Variants in PDE4B observed in about 807,000 individuals in gnomAD.
PDE4B encodes the protein 3',5'-cyclic-AMP phosphodiesterase 4B.
PDE4B carries 20 observed loss-of-function variants against 82.2 expected under a neutral mutation model. The ratio of observed to expected loss-of-function variants is 0.24; its 90% confidence interval spans 0.17 to 0.35. The LOEUF is 0.35. Ranked by LOEUF, PDE4B falls within the 10% of genes least tolerant of loss-of-function variation. PDE4B has a pLI of 1.00. For synonymous variants in PDE4B, 320 were observed against 318.9 expected (o/e 1.00, Z -0.04); for missense variants, 655 against 907.2 (o/e 0.72, Z 3.57).
chr1:65,904,339 A>C (rs1466912152), intron 1 of PDE4B, among the ~76,000 whole-genome samples: 1 of 152,210 alleles, frequency 6.6e-6, no homozygotes, highest in African/African-American at 2.4e-5. Flanking sequence ...ATTTAGAAGA[A>C]AAAATACTTG....
At chr1:65,805,349 G>C (rs1431138964) in intron 1 of PDE4B, among the ~76,000 whole-genome samples, 3 of 152,130 alleles carry the variant, frequency 2.0e-5, no homozygotes, top group Admixed American at 6.5e-5. Context: ...GAAAGAGTGG[G>C]TGAATATTAT....
intron 3 of PDE4B, among the ~76,000 whole-genome samples, chr1:65,936,347 C>T (rs1648137643): frequency 6.6e-6 from 1 of 152,028 alleles, no homozygotes; most frequent in Non-Finnish European, 1.5e-5. Context: ...TTGTTTACAC[C>T]AGCATCACCA....
At chr1:65,894,984 A>G (rs1368790805) in intron 1 of PDE4B, among the ~76,000 whole-genome samples, 1 of 152,214 alleles carries the variant, frequency 6.6e-6, no homozygotes, top group Non-Finnish European at 1.5e-5. Context: ...AGTTTCTTTT[A>G]AAGTTGAATA....
intron 3 of PDE4B, among the ~76,000 whole-genome samples, chr1:66,024,846 G>A (rs943378778): frequency 2.0e-5 from 3 of 151,894 alleles, no homozygotes; most frequent in Non-Finnish European, 2.9e-5. Flanking sequence ...GAATGGTGAT[G>A]TATTTTATTT....
intron 1 of PDE4B, among the ~76,000 whole-genome samples, chr1:65,839,417 C>T (rs1646181764): frequency 6.6e-6 from 1 of 152,174 alleles, no homozygotes; most frequent in South Asian, 2.1e-4. Flanking sequence ...CTTCCCTTCC[C>T]TTGCCCTCCA....
In PDE4B at chr1:66,374,107, GA is replaced by G. The variant is rs1478353743; in HGVS notation, c.*1432del. On this transcript the variant is annotated 3_prime_UTR_variant, in exon 17 of 17. Coordinates refer to ENST00000341517, the MANE Select transcript of PDE4B (RefSeq NM_002600.4). ...TATCATTGTGGCTTTGGTTCAAAAG[GA>G]AACACTACATTTGCTCACAGATGAT... The G allele has an allele frequency of 2.0e-5, 3 of 152,598 alleles. No individual in the cohort carries two copies. The allele number at this position is 152,598 out of a possible 1,614,324, so 9.5% of individuals were successfully genotyped here. A position where few individuals can be genotyped will look rare whatever the true frequency, so the allele number is the denominator to read the frequency against.
intron 3 of PDE4B, among the ~76,000 whole-genome samples, chr1:66,035,983 T>C (rs1390921913): frequency 6.6e-6 from 1 of 152,172 alleles, no homozygotes. Context: ...TCTTCCCCTT[T>C]TTTCCACATC....
chr1:66,243,863 A>G (rs1275429913), intron 3 of PDE4B, among the ~76,000 whole-genome samples: 2 of 152,260 alleles, frequency 1.3e-5, no homozygotes, highest in Admixed American at 1.3e-4. Context: ...ATAATCTTGA[A>G]GATCAGAGAG....
intron 3 of PDE4B, among the ~76,000 whole-genome samples, chr1:65,960,020 A>G (rs1649467859): frequency 6.6e-6 from 1 of 152,080 alleles, no homozygotes; most frequent in South Asian, 2.1e-4. Flanking sequence ...CACATATTTG[A>G]TTTGGTCTAG....
At chr1:66,308,781 A>C (rs1403808673) in intron 7 of PDE4B, among the ~76,000 whole-genome samples, 1 of 152,176 alleles carries the variant, frequency 6.6e-6, no homozygotes, top group Non-Finnish European at 1.5e-5. Context: ...TAAACAAAAG[A>C]TTATGTATAT....
Position 66,374,047 on chromosome 1 carries a change from A to G in PDE4B, c.*1369A>G, listed in dbSNP as rs1220965487. The G allele has an allele frequency of 2.6e-5, 4 of 152,636 alleles. No homozygotes were observed. Among genetic ancestry groups the G allele is most frequent in the Non-Finnish European group, 5.9e-5 (4 of 68,052 alleles). The allele number at this position is 152,636 out of a possible 1,614,324, so 9.5% of individuals were successfully genotyped here. On this transcript the variant is annotated 3_prime_UTR_variant, in exon 17 of 17. Transcript: ENST00000341517. The stretch of plus-strand genomic sequence containing the variant: ...TTTTACCCAGGTTCTATCCAAATCT[A>G]TGTGGGCATGAGTTGGGTTATAACT...
chr1:66,187,587 T>C (rs1647298185), intron 3 of PDE4B, among the ~76,000 whole-genome samples: 3 of 152,252 alleles, frequency 2.0e-5, no homozygotes, highest in South Asian at 4.1e-4. Context: ...GAAGAATTTA[T>C]CCATTTCTTC....
intron 1 of PDE4B, among the ~76,000 whole-genome samples, chr1:65,857,388 C>T (rs1437997859): frequency 6.6e-6 from 1 of 152,144 alleles, no homozygotes; most frequent in African/African-American, 2.4e-5. Context: ...GGAATGTTTT[C>T]TGTGATTCCA....
At chr1:66,053,043 G>GACAGT (rs767963922) in intron 3 of PDE4B, among the ~76,000 whole-genome samples, 42 of 152,298 alleles carry the variant, frequency 2.8e-4, no homozygotes, top group Non-Finnish European at 5.6e-4. Flanking sequence ...CTATGTGGGA[G>GACAGT]ACAGTGTATT....
At chr1:66,355,450 C>G in intron 8 of PDE4B, 77 bp from the exon 9 acceptor site, 1 of 864,646 alleles carries the variant, frequency 1.2e-6, no homozygotes, top group Non-Finnish European at 1.9e-6. Flanking sequence ...GATTCCTGGA[C>G]AGTAAAGTTG....
chr1:66,129,453 C>G (rs565483982), intron 3 of PDE4B, among the ~76,000 whole-genome samples: 1 of 151,182 alleles, frequency 6.6e-6, no homozygotes, highest in Non-Finnish European at 1.5e-5. Context: ...GTCAGGAGAT[C>G]GAGACCATCC....
intron 3 of PDE4B, among the ~76,000 whole-genome samples, chr1:66,105,693 G>C (rs901061664): frequency 3.3e-5 from 5 of 151,906 alleles, no homozygotes; most frequent in African/African-American, 1.2e-4. Flanking sequence ...TTTTATTCTC[G>C]TTGAAGCAAT....
intron 7 of PDE4B, among the ~76,000 whole-genome samples, chr1:66,300,287 C>A (rs1657794218): frequency 1.3e-5 from 2 of 152,132 alleles, no homozygotes; most frequent in Admixed American, 1.3e-4. Flanking sequence ...AATTCTGGCA[C>A]CTCGTCAGGA....
intron 3 of PDE4B, among the ~76,000 whole-genome samples, chr1:66,017,793 G>C (rs779290324): frequency 2.0e-5 from 3 of 151,866 alleles, no homozygotes; most frequent in African/African-American, 4.8e-5. Flanking sequence ...GTGAGATACA[G>C]AAATCTTAAT....
Sources: gnomAD v4.1 joint callset for allele counts (sites outside exome capture counted in the v4.1 genomes callset) on GRCh38, gnomAD v4.1.1 for gene constraint, MANE v1.5 for transcripts, NCBI Gene and HGNC (gene_info 2026-07-23, HGNC 2026-07-21) for gene names.